The following TMPO variants were observed in gnomAD, a reference collection of about 807,000 sequenced individuals.
The protein encoded by TMPO is thymopoietin.
Under a neutral mutation model 45.4 loss-of-function variants are expected in TMPO, and 22 were observed. The ratio of observed to expected loss-of-function variants is 0.48; its 90% CI spans 0.35 to 0.69. The LOEUF is 0.69. Among genes scored for constraint, TMPO ranks in the 30% least tolerant of loss-of-function variants. TMPO has a pLI of 0.01. For missense variants in TMPO, 512 were observed against 548.8 expected (o/e 0.93, Z 0.67); for synonymous variants, 241 against 204.1 (o/e 1.18, Z -1.54).
chr12:98,527,251 A>C (rs1262848785), intron 1 of TMPO, among the ~76,000 whole-genome samples: 1 of 149,840 alleles, frequency 6.7e-6, no homozygotes, highest in Non-Finnish European at 1.5e-5. Context: ...TAATCCTAAC[A>C]CTTTGGGAGG....
intron 4 of TMPO, among the ~76,000 whole-genome samples, chr12:98,538,460 C>G (rs1032671766): frequency 2.6e-5 from 4 of 152,172 alleles, no homozygotes; most frequent in African/African-American, 9.7e-5. Flanking sequence ...TCAAGCGATT[C>G]TCCTGCCTCA....
intron 2 of TMPO, among the ~76,000 whole-genome samples, chr12:98,530,292 G>A (rs928352938): frequency 6.6e-6 from 1 of 151,386 alleles, no homozygotes; most frequent in East Asian, 1.9e-4. Context: ...AGCTATGATC[G>A]CACCACTGCA....
At chr12:98,540,755 C>G (rs983960707) in intron 4 of TMPO, among the ~76,000 whole-genome samples, 1 of 152,178 alleles carries the variant, frequency 6.6e-6, no homozygotes. Context: ...TTGGACGGCA[C>G]AGATCCAGAG....
intron 7 of TMPO, among the ~76,000 whole-genome samples, chr12:98,545,525 A>C (rs967750812): frequency 4.6e-5 from 7 of 152,186 alleles, no homozygotes; most frequent in Non-Finnish European, 7.4e-5. Context: ...ATTTGAATGA[A>C]TCTTTACAAA....
rs112938918 is a variant in TMPO at position 98,518,226 on chromosome 12, C to T, written c.279+2080C>T. 4.8e-3 allele frequency among the ~76,000 whole-genome samples: 724 copies of T among 151,364 alleles called. 7 individuals are homozygous for T. Among genetic ancestry groups the T allele is most frequent in the African/African-American group, 0.017 (693 of 41,284 alleles). On this transcript the variant is annotated intron_variant, in intron 1 of 8. Transcript: ENST00000556029. Reference sequence around the variant, plus strand: ...ATAAAAAACCTAATTTTCTATAGAACCCTTCATTGGTCCTCTGTGCAAAAG... The same window carrying T: ...ATAAAAAACCTAATTTTCTATAGAATCCTTCATTGGTCCTCTGTGCAAAAG...
intron 1 of TMPO, among the ~76,000 whole-genome samples, chr12:98,517,097 C>T (rs2121104249): frequency 6.6e-6 from 1 of 152,332 alleles, no homozygotes; most frequent in East Asian, 1.9e-4. Flanking sequence ...AGGCGTGAGC[C>T]ACCGGGCCCG....
At chr12:98,518,371 A>T (rs1876053288) in intron 1 of TMPO, among the ~76,000 whole-genome samples, 1 of 151,832 alleles carries the variant, frequency 6.6e-6, no homozygotes, top group Non-Finnish European at 1.5e-5. Flanking sequence ...AGCTTACTGC[A>T]GCCTCAAACT....
intron 4 of TMPO, among the ~76,000 whole-genome samples, chr12:98,543,505 A>G (rs907632687): frequency 2.0e-5 from 3 of 152,242 alleles, no homozygotes; most frequent in Non-Finnish European, 4.4e-5. Context: ...TGGATTCTTT[A>G]AAAATGATCA....
intron 3 of TMPO, chr12:98,534,967 T>C (rs926812315): frequency 4.5e-6 from 4 of 888,640 alleles, no homozygotes; most frequent in Non-Finnish European, 5.4e-6. Context: ...AGAGATACTT[T>C]TTAGGTCAAT....
intron 1 of TMPO, among the ~76,000 whole-genome samples, chr12:98,518,160 A>G (rs1876035021): frequency 6.6e-6 from 1 of 152,276 alleles, no homozygotes; most frequent in South Asian, 2.1e-4. Context: ...AAAAAAAAAA[A>G]AAAAAGTTGT....
At chr12:98,546,012 C>T (rs189165637) in intron 7 of TMPO, among the ~76,000 whole-genome samples, 2 of 152,236 alleles carry the variant, frequency 1.3e-5, no homozygotes, top group East Asian at 3.9e-4. Context: ...GGATTACAGG[C>T]GTGAGCCACC....
At position 98,515,690 on chromosome 12, in the gene TMPO, T is replaced by G. The variant is rs1875721093; in HGVS notation, c.-178T>G. ...TTCGTAGTTCGGCTCTGGGGTCTTT[T>G]GTGTCCGGGTCTGGCTTGGCTTTGT... On this transcript the variant is annotated 5_prime_UTR_variant, in exon 1 of 9. Coordinates refer to ENST00000556029, the MANE Select transcript of TMPO (RefSeq NM_001032283.3). The G allele has an allele frequency of 3.6e-6, 5 of 1,376,974 alleles. No homozygotes were observed. The East Asian group carries it at 1.0e-4, about 28-fold the overall frequency. The allele number at this position is 1,376,974 out of a possible 1,614,324, so 85.3% of individuals were successfully genotyped here. A position where few individuals can be genotyped will look rare whatever the true frequency, so the allele number is the denominator to read the frequency against.
chr12:98,543,256 A>G (rs1312287240), intron 4 of TMPO, among the ~76,000 whole-genome samples: 1 of 152,248 alleles, frequency 6.6e-6, no homozygotes, highest in Non-Finnish European at 1.5e-5. Context: ...CAACAGAAGG[A>G]CACTCTACTA....
intron 4 of TMPO, among the ~76,000 whole-genome samples, chr12:98,542,392 T>C (rs1267661496): frequency 6.6e-6 from 1 of 152,032 alleles, no homozygotes; most frequent in Non-Finnish European, 1.5e-5. Flanking sequence ...TTAGAAATTA[T>C]CTATTCCCAG....
At chr12:98,545,514 A>G (rs1449942739) in intron 7 of TMPO, among the ~76,000 whole-genome samples, 1 of 152,210 alleles carries the variant, frequency 6.6e-6, no homozygotes, top group South Asian at 2.1e-4. Context: ...GGTGCATTTT[A>G]ATTTGAATGA....
At chr12:98,528,925 G>A (rs919314845) in intron 2 of TMPO, among the ~76,000 whole-genome samples, 11 of 152,090 alleles carry the variant, frequency 7.2e-5, no homozygotes, top group African/African-American at 2.2e-4. Flanking sequence ...GATGGCTACT[G>A]TACTTCAGCC....
rs775313514 is a variant in TMPO, at chr12:98,528,061, C to A, written c.406+49C>A. On this transcript the variant is annotated intron_variant, in intron 2 of 8. Coordinates refer to ENST00000556029, the MANE Select transcript of TMPO (RefSeq NM_001032283.3). ...CAGTATCTTTTCTCTGAAGCAGGACCCCAAATTATTTTCTCCTTTTTGTTT... is the reference window on the plus strand; with the variant it reads ...CAGTATCTTTTCTCTGAAGCAGGACACCAAATTATTTTCTCCTTTTTGTTT... 1.9e-6 allele frequency: 3 copies of A among 1,609,582 alleles called. No homozygotes were observed. In the African/African-American group the frequency reaches 4.0e-5, roughly 21 times the overall value.
At chr12:98,532,812 T>C (rs1282518409) in intron 3 of TMPO, 3 of 1,614,036 alleles carry the variant, frequency 1.9e-6, no homozygotes, top group Non-Finnish European at 2.5e-6. Flanking sequence ...CTGCCTCTTT[T>C]GCCTCTACAG....
At chr12:98,531,901 C>T (rs1173869832) in intron 3 of TMPO, 63 bp downstream of exon 3, 4 of 1,427,792 alleles carry the variant, frequency 2.8e-6, no homozygotes, top group East Asian at 2.3e-5. Flanking sequence ...ATTCAGTGAC[C>T]ATGAAGAAAG....
Sources: allele counts gnomAD v4.1 joint callset (sites outside exome capture counted in the v4.1 genomes callset), GRCh38; gene constraint gnomAD v4.1.1; transcripts MANE v1.5; gene names NCBI Gene and HGNC (gene_info 2026-07-23, HGNC 2026-07-21).